The following TTC17 variants were observed in gnomAD, a reference collection of about 807,000 sequenced individuals.
TTC17 encodes the protein tetratricopeptide repeat protein 17.
A neutral mutation model predicts 143.8 loss-of-function variants in TTC17; 58 were observed. The ratio of observed to expected loss-of-function variants is 0.40; its 90% confidence interval spans 0.33 to 0.50. The LOEUF (loss-of-function observed/expected upper bound fraction) is 0.50, where lower values mean the gene tolerates loss of function less well. TTC17 is among the 20% of genes least tolerant of loss of function. TTC17 has a pLI of 0.49. For missense variants in TTC17, 1,273 were observed against 1,392.5 expected (o/e 0.91, Z 1.37); for synonymous variants, 501 against 497.8 (o/e 1.01, Z -0.09).
intron 7 of TTC17, 117 bp from the exon 8 acceptor site, chr11:43,397,857 G>T: frequency 7.1e-7 from 1 of 1,400,086 alleles, no homozygotes; most frequent in Non-Finnish European, 9.6e-7. Context: ...ATCATTAGAG[G>T]ATTTGGACAG....
At chr11:43,486,110 G>A (rs1700134677) in intron 21 of TTC17, among the ~76,000 whole-genome samples, 2 of 151,830 alleles carry the variant, frequency 1.3e-5, no homozygotes, top group South Asian at 4.2e-4. Flanking sequence ...ATATAATGTT[G>A]AATAAAAAGC....
At chr11:43,428,457 C>A (rs1159322065) in intron 16 of TTC17, among the ~76,000 whole-genome samples, 1 of 152,124 alleles carries the variant, frequency 6.6e-6, no homozygotes, top group African/African-American at 2.4e-5. Flanking sequence ...CTGCTGAAAG[C>A]CTGGATTCTT....
chr11:43,379,338 A>G lies in TTC17; in HGVS notation c.249+16A>G, dbSNP rs762804477. On this transcript the variant is annotated intron_variant, in intron 2 of 23. Coordinates refer to ENST00000039989, the MANE Select transcript of TTC17 (RefSeq NM_018259.6). The stretch of plus-strand genomic sequence containing the variant: ...AGAATTAGAGGTGAGGCAACTGGGC[A>G]TGTGAGATGCAGCTGATGCTTGTTG... 2 of 1,601,252 alleles carry G rather than the reference A, an allele frequency of 1.2e-6. No homozygotes were observed. The highest frequency in any genetic ancestry group is 1.7e-6 in the Non-Finnish European group (2 of 1,171,296).
intron 16 of TTC17, among the ~76,000 whole-genome samples, chr11:43,420,006 T>C (rs1250204504): frequency 2.0e-5 from 3 of 152,386 alleles, no homozygotes; most frequent in Middle Eastern, 3.4e-3. Flanking sequence ...GTGTATGTAA[T>C]GTGTCTAAAT....
At chr11:43,360,908 C>A (rs1554981322) in intron 1 of TTC17, among the ~76,000 whole-genome samples, 1 of 152,068 alleles carries the variant, frequency 6.6e-6, no homozygotes, top group Non-Finnish European at 1.5e-5. Context: ...TATTACATGA[C>A]TTTTTAAGTG....
At chr11:43,438,637 A>T (rs985845505) in intron 16 of TTC17, among the ~76,000 whole-genome samples, 2 of 152,184 alleles carry the variant, frequency 1.3e-5, no homozygotes, top group Non-Finnish European at 2.9e-5. Context: ...GACTTTCTGG[A>T]GGAAGATGTT....
intron 21 of TTC17, among the ~76,000 whole-genome samples, chr11:43,467,737 T>A (rs1382685307): frequency 6.6e-6 from 1 of 152,216 alleles, no homozygotes; most frequent in African/African-American, 2.4e-5. Flanking sequence ...CAAAACAGGT[T>A]ATTAGAAAAT....
intron 21 of TTC17, among the ~76,000 whole-genome samples, chr11:43,465,628 A>T (rs1947955989): frequency 6.6e-6 from 1 of 152,196 alleles, no homozygotes; most frequent in African/African-American, 2.4e-5. Flanking sequence ...CCCAAAAATA[A>T]ACCCTCATGT....
intron 21 of TTC17, among the ~76,000 whole-genome samples, chr11:43,485,271 G>T (rs149795954): frequency 6.8e-4 from 103 of 152,206 alleles, no homozygotes; most frequent in African/African-American, 7.7e-4. Context: ...AAATTGGTGG[G>T]AAGAGAAGGG....
At chr11:43,372,393 C>G (rs1590314148) in intron 1 of TTC17, among the ~76,000 whole-genome samples, 1 of 151,892 alleles carries the variant, frequency 6.6e-6, no homozygotes, top group Non-Finnish European at 1.5e-5. Context: ...ACTTCCACTT[C>G]CTGGCTTCAA....
At chr11:43,370,561 A>C (rs926298936) in intron 1 of TTC17, among the ~76,000 whole-genome samples, 6 of 152,138 alleles carry the variant, frequency 3.9e-5, no homozygotes, top group African/African-American at 1.4e-4. Context: ...AAAAAAAAAA[A>C]AGATAAAACA....
At chr11:43,397,830 T>TAGGTGTG (rs1857665603) in intron 7 of TTC17, 144 bp from the exon 8 acceptor site, 1 of 1,177,072 alleles carries the variant, frequency 8.5e-7, no homozygotes, top group Admixed American at 2.5e-5. Context: ...GAGTAAGAGG[T>TAGGTGTG]AGGTGTGATC....
intron 1 of TTC17, among the ~76,000 whole-genome samples, chr11:43,367,356 T>C (rs1348809997): frequency 4.6e-5 from 7 of 152,188 alleles, no homozygotes; most frequent in Admixed American, 4.6e-4. Context: ...AAGGTCAACT[T>C]TAATGCGCAG....
chr11:43,380,426 T>G (rs1856921328), intron 2 of TTC17, among the ~76,000 whole-genome samples: 1 of 152,174 alleles, frequency 6.6e-6, no homozygotes, highest in South Asian at 2.1e-4. Flanking sequence ...CAGCTAATTT[T>G]TGTGCTTTTA....
intron 2 of TTC17, among the ~76,000 whole-genome samples, chr11:43,384,703 T>C (rs572106019): frequency 1.3e-5 from 2 of 152,310 alleles, no homozygotes; most frequent in African/African-American, 4.8e-5. Context: ...GGCACAAATA[T>C]TTTATATTTC....
In TTC17 at chr11:43,492,153, A is replaced by G. The variant is rs139245335; in HGVS notation, c.3284A>G (p.Tyr1095Cys). ...AACCACTTCACTCTGGGCAATGTCT[A>G]CGTGGCAATGGTGAGATGGGGGTGT... ...AVNHFTLGNV[Y>C]VAMEEFEKAL... Residue 1095 changes from tyrosine to cysteine, a missense_variant, in exon 23 of 24, where the codon TAC becomes TGC. Tyr to Cys is a radical substitution (Grantham distance 194). Coordinates refer to ENST00000039989, the MANE Select transcript of TTC17 (RefSeq NM_018259.6). The G allele has an allele frequency of 3.7e-6, 6 of 1,614,060 alleles. No individual in the cohort carries two copies. The highest frequency in any genetic ancestry group is 2.2e-5 in the East Asian group (1 of 44,878).
chr11:43,494,022 A>G lies in TTC17; in HGVS notation c.*118A>G. 1.1e-5 allele frequency: 15 copies of G among 1,348,946 alleles called. No individual in the cohort carries two copies. Among genetic ancestry groups the G allele is most frequent in the Non-Finnish European group, 1.4e-5 (14 of 1,014,112 alleles). The allele number at this position is 1,348,946 out of a possible 1,614,324, so 83.6% of individuals were successfully genotyped here. On this transcript the variant is annotated 3_prime_UTR_variant, in exon 24 of 24. Transcript: ENST00000039989. ...ATGTGTGTGAAAATAACTAAGACTT[A>G]TAACAGGACTTTTACATATGTGGGA...
chr11:43,449,626 C>T (rs1947618136), intron 19 of TTC17: 1 of 152,528 alleles, frequency 6.6e-6, no homozygotes, highest in African/African-American at 2.4e-5. Flanking sequence ...GAATGTTTGC[C>T]TAATAATTGT....
At chr11:43,454,669 A>G (rs1947728187) in intron 21 of TTC17, among the ~76,000 whole-genome samples, 1 of 152,120 alleles carries the variant, frequency 6.6e-6, no homozygotes, top group Admixed American at 6.5e-5. Context: ...AAGAGAGCAA[A>G]GTTTATGATC....
Sources: gnomAD v4.1 joint callset for allele counts (sites outside exome capture counted in the v4.1 genomes callset) on GRCh38, gnomAD v4.1.1 for gene constraint, MANE v1.5 for transcripts, NCBI Gene and HGNC (gene_info 2026-07-23, HGNC 2026-07-21) for gene names.